The following FREM1 variants were observed in gnomAD, a reference collection of about 807,000 sequenced individuals.
The protein encoded by FREM1 is FRAS1-related extracellular matrix protein 1.
A neutral mutation model predicts 210.1 loss-of-function variants in FREM1; 220 were observed. The observed-to-expected ratio is 1.05, with a 90% CI of 0.94 to 1.17. The LOEUF (loss-of-function observed/expected upper bound fraction) is 1.17. Ranked by LOEUF, FREM1 falls within the 50% of genes most tolerant of loss-of-function variation. FREM1 has a pLI of 0.00. For synonymous variants in FREM1, 1,189 were observed against 980.2 expected, an observed-to-expected ratio of 1.21 and a Z score of -3.98; for missense variants, 3,454 against 2,675.5, an observed-to-expected ratio of 1.29 and a Z score of -6.42.
chr9:14,826,797 C>G (rs960293202), intron 10 of FREM1, among the ~76,000 whole-genome samples: 10 of 152,306 alleles, frequency 6.6e-5, no homozygotes, highest in Non-Finnish European at 1.2e-4. Flanking sequence ...ATCCCTTTCG[C>G]TGTGTGAGGA....
chr9:14,793,371 T>A (rs896786326), intron 21 of FREM1, among the ~76,000 whole-genome samples: 1 of 152,202 alleles, frequency 6.6e-6, no homozygotes, highest in East Asian at 1.9e-4. Flanking sequence ...AATCTGGGAC[T>A]CTCTAAATTA....
chr9:14,741,159 C>T (rs535640445), intron 35 of FREM1, among the ~76,000 whole-genome samples: 8 of 152,146 alleles, frequency 5.3e-5, no homozygotes, highest in African/African-American at 1.9e-4. Flanking sequence ...AATTAAATCA[C>T]CATGATCTTT....
intron 1 of FREM1, among the ~76,000 whole-genome samples, chr9:14,896,570 C>G (rs1156342425): frequency 6.9e-6 from 1 of 144,030 alleles, no homozygotes; most frequent in East Asian, 2.0e-4. Context: ...AAAAAAGAAG[C>G]ATGAATAATC....
rs2130836397 is a variant in FREM1, at chr9:14,825,005, T to G, written c.1882-13A>C. 1.9e-6 allele frequency: 3 copies of G among 1,552,288 alleles called. No individual in the cohort carries two copies. Among genetic ancestry groups the G allele is most frequent in the East Asian group, 2.3e-5 (1 of 43,808 alleles). The stretch of plus-strand genomic sequence containing the variant: ...GGATTGTTGCCACCTGGAATAAAAA[T>G]GTCTGTACCATTAATTTGAAATACC... On this transcript the variant is annotated splice_polypyrimidine_tract_variant and intron_variant, in intron 10 of 36. Coordinates refer to ENST00000380880, the MANE Select transcript of FREM1 (RefSeq NM_001379081.2).
Position 14,816,762 on chromosome 9 carries a change from G to T in FREM1, c.2640+16C>A. ...CAGACTAAGACAATAACCCAGGGAAGAAACTTTCTACCCACCTCAACATGT... is the reference window on the plus strand; with the variant it reads ...CAGACTAAGACAATAACCCAGGGAATAAACTTTCTACCCACCTCAACATGT... On this transcript the variant is annotated intron_variant, in intron 15 of 36. Coordinates refer to ENST00000380880, the MANE Select transcript of FREM1 (RefSeq NM_001379081.2). The T allele has an allele frequency of 7.4e-7, 1 of 1,345,204 alleles. No homozygotes were observed. Among genetic ancestry groups the T allele is most frequent in the Non-Finnish European group, 9.8e-7 (1 of 1,015,530 alleles). The allele number at this position is 1,345,204 out of a possible 1,614,324, so 83.3% of individuals were successfully genotyped here. A position where few individuals can be genotyped will look rare whatever the true frequency, so the allele number is the denominator to read the frequency against.
chr9:14,767,729 A>ACAACTATAC (rs1400237425), intron 27 of FREM1, among the ~76,000 whole-genome samples: 1 of 152,186 alleles, frequency 6.6e-6, no homozygotes, highest in Non-Finnish European at 1.5e-5. Context: ...GGGGTTGAGG[A>ACAACTATAC]CAACTATACC....
intron 1 of FREM1, among the ~76,000 whole-genome samples, chr9:14,870,429 T>C (rs1013114547): frequency 1.3e-5 from 2 of 152,200 alleles, no homozygotes; most frequent in Non-Finnish European, 2.9e-5. Flanking sequence ...CTGACTTAGG[T>C]TGGCTTATTT....
intron 24 of FREM1, among the ~76,000 whole-genome samples, chr9:14,777,032 G>T (rs780512021): frequency 3.3e-5 from 5 of 152,190 alleles, no homozygotes; most frequent in Non-Finnish European, 5.9e-5. Flanking sequence ...CTAGAATGCA[G>T]GTCTTTTAAT....
chr9:14,905,649 G>T (rs1392589245), intron 1 of FREM1, among the ~76,000 whole-genome samples: 2 of 152,212 alleles, frequency 1.3e-5, no homozygotes, highest in Non-Finnish European at 2.9e-5. Context: ...AGCACTTTGG[G>T]AGGCCGAGGC....
chr9:14,813,611 A>G (rs1819778792), intron 15 of FREM1, among the ~76,000 whole-genome samples: 1 of 152,192 alleles, frequency 6.6e-6, no homozygotes, highest in Non-Finnish European at 1.5e-5. Flanking sequence ...TAACTATTCA[A>G]TCAATGCCAG....
chr9:14,803,437 G>A (rs1489399083), intron 19 of FREM1, among the ~76,000 whole-genome samples: 4 of 149,056 alleles, frequency 2.7e-5, no homozygotes, highest in Non-Finnish European at 5.9e-5. Flanking sequence ...ATGGCTCACT[G>A]CACACTCACC....
rs930105635 is a variant in FREM1 at position 14,857,479 on chromosome 9, G to C, written c.828+74C>G. ...GGAACTCTCCCTGGCATGGGGGCGA[G>C]CATGAGTAAGCCTGTGTAACTGGCT... On this transcript the variant is annotated intron_variant, in intron 5 of 36. Coordinates refer to ENST00000380880, the MANE Select transcript of FREM1 (RefSeq NM_001379081.2). The C allele has an allele frequency of 1.3e-5, 16 of 1,251,256 alleles. No individual in the cohort carries two copies. The African/African-American group carries it at 2.1e-4, about 16-fold the overall frequency. The allele number at this position is 1,251,256 out of a possible 1,614,324, so 77.5% of individuals were successfully genotyped here.
intron 36 of FREM1, among the ~76,000 whole-genome samples, chr9:14,739,794 C>G: frequency 6.6e-6 from 1 of 151,638 alleles, no homozygotes; most frequent in East Asian, 1.9e-4. Flanking sequence ...CTTGCAAAAA[C>G]ATTAAATCTT....
At chr9:14,880,591 G>A (rs1236930539) in intron 1 of FREM1, among the ~76,000 whole-genome samples, 7 of 131,708 alleles carry the variant, frequency 5.3e-5, no homozygotes, top group Non-Finnish European at 1.1e-4. Flanking sequence ...GTAACAGAGT[G>A]AGACTGTCTC....
intron 24 of FREM1, among the ~76,000 whole-genome samples, chr9:14,781,597 A>G (rs916597151): frequency 1.2e-4 from 18 of 152,202 alleles, no homozygotes; most frequent in African/African-American, 3.6e-4. Flanking sequence ...TGTTTTTAGT[A>G]TCAACACCCA....
At chr9:14,816,500 A>G (rs1296633787) in intron 15 of FREM1, among the ~76,000 whole-genome samples, 1 of 152,116 alleles carries the variant, frequency 6.6e-6, no homozygotes, top group Non-Finnish European at 1.5e-5. Flanking sequence ...TTTATAGGTC[A>G]TGAGGGCTCC....
At chr9:14,751,416 A>G (rs944489083) in intron 29 of FREM1, among the ~76,000 whole-genome samples, 1 of 152,208 alleles carries the variant, frequency 6.6e-6, no homozygotes, top group Non-Finnish European at 1.5e-5. Flanking sequence ...TGGCAGGCCA[A>G]GGCGGGCAGA....
chr9:14,858,402 G>A (rs912835592), intron 4 of FREM1, among the ~76,000 whole-genome samples: 3 of 151,876 alleles, frequency 2.0e-5, no homozygotes, highest in African/African-American at 7.2e-5. Flanking sequence ...GTCTTGCTAG[G>A]TTGCCCAGAC....
At chr9:14,779,349 T>C in intron 24 of FREM1, 1 of 289,444 alleles carries the variant, frequency 3.5e-6, no homozygotes, top group Non-Finnish European at 5.2e-6. Context: ...TTAGCATTAA[T>C]TGTAGAGCTA....
Sources: gnomAD v4.1 joint callset for allele counts (sites outside exome capture counted in the v4.1 genomes callset) on GRCh38, gnomAD v4.1.1 for gene constraint, MANE v1.5 for transcripts, NCBI Gene and HGNC (gene_info 2026-07-23, HGNC 2026-07-21) for gene names.